The following NRXN1 variants were observed in gnomAD, a reference collection of about 807,000 sequenced individuals.
The protein encoded by NRXN1 is neurexin 1, also known as neurexin-1.
A neutral mutation model predicts 150.9 loss-of-function variants in NRXN1; 39 were observed. That is an observed-to-expected ratio of 0.26 (90% confidence interval 0.20 to 0.34). The LOEUF is 0.34. NRXN1 is among the 10% of genes least tolerant of loss of function. The pLI, the probability that NRXN1 is intolerant of heterozygous loss-of-function variation, is 1.00. For synonymous variants in NRXN1, 924 were observed against 757.0 expected (o/e 1.22, Z -3.62); for missense variants, 1,815 against 1,949.9 (o/e 0.93, Z 1.30).
chr2:50,764,545 TCACACATCTAAATTC>T (rs1331057808), intron 5 of NRXN1, among the ~76,000 whole-genome samples: 1 of 152,038 alleles, frequency 6.6e-6, no homozygotes, highest in East Asian at 1.9e-4. Context: ...TACTTGATTA[TCACACATCTAAATTC>T]CCCATGTGGT....
intron 5 of NRXN1, among the ~76,000 whole-genome samples, chr2:50,732,020 T>G (rs546195146): frequency 6.6e-6 from 1 of 152,276 alleles, no homozygotes; most frequent in Admixed American, 6.5e-5. Context: ...AAGTACTTCA[T>G]AGAGTCTTAA....
chr2:50,633,696 C>G (rs1198519701), intron 5 of NRXN1, among the ~76,000 whole-genome samples: 2 of 152,022 alleles, frequency 1.3e-5, no homozygotes, highest in East Asian at 3.9e-4. Context: ...GATTTCAACA[C>G]AGAAAGAGCA....
chr2:50,692,013 T>C (rs1222263882), intron 5 of NRXN1, among the ~76,000 whole-genome samples: 1 of 152,206 alleles, frequency 6.6e-6, no homozygotes, highest in Non-Finnish European at 1.5e-5. Context: ...TCAGGCTGTC[T>C]TGGGGAGATA....
At chr2:50,408,125 A>T (rs2082885281) in intron 17 of NRXN1, among the ~76,000 whole-genome samples, 1 of 152,206 alleles carries the variant, frequency 6.6e-6, no homozygotes, top group Non-Finnish European at 1.5e-5. Flanking sequence ...ATATAAGCCC[A>T]GCCCTCCAAG....
At chr2:50,375,669 C>A (rs2080433859) in intron 17 of NRXN1, among the ~76,000 whole-genome samples, 2 of 150,826 alleles carry the variant, frequency 1.3e-5, no homozygotes, top group South Asian at 4.2e-4. Context: ...ATTACTATTG[C>A]AATAGCAATA....
At chr2:50,025,539 T>G (rs1688156767) in intron 21 of NRXN1, among the ~76,000 whole-genome samples, 1 of 152,056 alleles carries the variant, frequency 6.6e-6, no homozygotes, top group African/African-American at 2.4e-5. Context: ...CTAAAGAAAT[T>G]GAGGTGGCAG....
At chr2:50,571,998 G>A (rs971886558) in intron 8 of NRXN1, among the ~76,000 whole-genome samples, 3 of 151,996 alleles carry the variant, frequency 2.0e-5, no homozygotes, top group African/African-American at 7.3e-5. Flanking sequence ...TATCAGTCAA[G>A]GCCTAGGAGT....
intron 12 of NRXN1, among the ~76,000 whole-genome samples, chr2:50,527,053 T>C (rs2092971950): frequency 6.6e-6 from 1 of 152,208 alleles, no homozygotes; most frequent in South Asian, 2.1e-4. Flanking sequence ...TTTTCATTAA[T>C]TGCTATACTT....
rs181451345 is a variant in NRXN1, at chr2:50,104,172, C to T, written c.3547-12678G>A. On this transcript the variant is annotated intron_variant, in intron 18 of 22. Transcript: ENST00000401669. ...TCTACTGGAGTACAAAAGACATCTA[C>T]TTAAAAGTCTGGGCTGACAATAGTT... Among the ~76,000 whole-genome samples the T allele has an allele frequency of 2.8e-4, 43 of 152,132 alleles. 1 individual carries two copies. The East Asian group carries it at 7.7e-3, about 27-fold the overall frequency.
chr2:50,540,196 C>G (rs918977531), intron 9 of NRXN1, among the ~76,000 whole-genome samples: 4 of 152,178 alleles, frequency 2.6e-5, no homozygotes. Flanking sequence ...AAAGGCATTG[C>G]TATTTTGGCC....
chr2:50,378,590 C>T (rs12463670), intron 17 of NRXN1, among the ~76,000 whole-genome samples: 21,003 of 151,998 alleles, frequency 0.14, 1,492 homozygotes, highest in African/African-American at 0.17. Context: ...GTTGCACCAC[C>T]GTAAAGTTGA....
intron 2 of NRXN1, among the ~76,000 whole-genome samples, chr2:50,931,291 T>A (rs560403999): frequency 1.3e-5 from 2 of 152,262 alleles, no homozygotes; most frequent in African/African-American, 4.8e-5. Flanking sequence ...AACTTTATTA[T>A]TCTATACCTG....
At chr2:50,839,499 G>A (rs1022370076) in intron 5 of NRXN1, among the ~76,000 whole-genome samples, 2 of 152,052 alleles carry the variant, frequency 1.3e-5, no homozygotes, top group African/African-American at 4.8e-5. Flanking sequence ...CCTTTCTGAT[G>A]TTACTTGTAG....
chr2:50,966,673 T>C (rs1303264033), intron 2 of NRXN1, among the ~76,000 whole-genome samples: 1 of 151,866 alleles, frequency 6.6e-6, no homozygotes, highest in African/African-American at 2.4e-5. Flanking sequence ...GAGTGGCATT[T>C]GCTAAACATC....
intron 5 of NRXN1, among the ~76,000 whole-genome samples, chr2:50,882,623 G>A (rs1218185682): frequency 3.3e-5 from 5 of 151,686 alleles, no homozygotes; most frequent in Admixed American, 6.6e-5. Flanking sequence ...AGTTAAAGAC[G>A]AACCCACAGG....
At chr2:50,009,477 T>A (rs1371104284) in intron 21 of NRXN1, among the ~76,000 whole-genome samples, 1 of 152,184 alleles carries the variant, frequency 6.6e-6, no homozygotes, top group Non-Finnish European at 1.5e-5. Context: ...TTTTAATGAA[T>A]TTCAGAGCAA....
At chr2:49,974,507 C>A (rs1190871551) in intron 21 of NRXN1, among the ~76,000 whole-genome samples, 1 of 152,108 alleles carries the variant, frequency 6.6e-6, no homozygotes, top group African/African-American at 2.4e-5. Flanking sequence ...TTTTCCCCAG[C>A]CCTTAAACTG....
chr2:50,688,226 T>A (rs976034551), intron 5 of NRXN1, among the ~76,000 whole-genome samples: 1 of 152,152 alleles, frequency 6.6e-6, no homozygotes, highest in Non-Finnish European at 1.5e-5. Context: ...ACTAATGCTG[T>A]CCCTGAGGAT....
At chr2:50,877,578 A>G (rs1196274871) in intron 5 of NRXN1, among the ~76,000 whole-genome samples, 1 of 151,938 alleles carries the variant, frequency 6.6e-6, no homozygotes, top group African/African-American at 2.4e-5. Context: ...TATATACTTT[A>G]ATTGTTCTTT....
Sources: gnomAD v4.1 joint callset for allele counts (sites outside exome capture counted in the v4.1 genomes callset) on GRCh38, gnomAD v4.1.1 for gene constraint, MANE v1.5 for transcripts, NCBI Gene and HGNC (gene_info 2026-07-23, HGNC 2026-07-21) for gene names.